MARK1: variants seen among roughly 807,000 people sequenced by gnomAD.
MARK1 encodes the protein serine/threonine-protein kinase MARK1.
A neutral mutation model predicts 96.3 loss-of-function variants in MARK1; 40 were observed. The ratio of observed to expected loss-of-function variants is 0.42; its 90% CI spans 0.32 to 0.54. The LOEUF (loss-of-function observed/expected upper bound fraction) is 0.54. Ranked by LOEUF, MARK1 falls within the 20% of genes least tolerant of loss-of-function variation. The probability of loss-of-function intolerance (pLI) is 0.16; values close to 1 mark genes in which losing one functional copy is unlikely to be tolerated. For synonymous variants in MARK1, 317 were observed against 341.2 expected (o/e 0.93, Z 0.78); for missense variants, 719 against 984.6 (o/e 0.73, Z 3.61).
intron 6 of MARK1, among the ~76,000 whole-genome samples, chr1:220,608,044 G>A (rs1216096498): frequency 6.6e-6 from 1 of 152,102 alleles, no homozygotes; most frequent in African/African-American, 2.4e-5. Context: ...GCCAGGCTTT[G>A]GTATCAGGAT....
chr1:220,544,528 C>G (rs1661352806), intron 1 of MARK1, among the ~76,000 whole-genome samples: 1 of 152,170 alleles, frequency 6.6e-6, no homozygotes, highest in South Asian at 2.1e-4. Context: ...AGATGCCAGC[C>G]CCTTGATATT....
intron 3 of MARK1, among the ~76,000 whole-genome samples, chr1:220,589,847 C>T (rs1253162705): frequency 1.3e-5 from 2 of 152,218 alleles, no homozygotes; most frequent in East Asian, 3.8e-4. Context: ...CATGGCACTG[C>T]TGTTCTTAAA....
chr1:220,612,240 A>T (rs562072239), intron 6 of MARK1, among the ~76,000 whole-genome samples: 15 of 152,252 alleles, frequency 9.9e-5, no homozygotes, highest in African/African-American at 3.4e-4. Context: ...TACTATATGG[A>T]ATTAGAGAAG....
In MARK1 at chr1:220,653,117, C is replaced by T. The variant is rs747328940; in HGVS notation, c.1753C>T (p.Pro585Ser). ...AYRPGTTQRV[P>S]AASPSAHSIS... Reference sequence around the variant, plus strand: ...TCCCAGCAGTACAACCCAGAGAGTGCCTGCTGCTTCCCCATCTGCTCACAG... The same window carrying T: ...TCCCAGCAGTACAACCCAGAGAGTGTCTGCTGCTTCCCCATCTGCTCACAG... Residue 585 changes from proline to serine, a missense_variant, in exon 16 of 18, where the codon CCT (proline) becomes TCT (serine). Physicochemically the swap from Pro to Ser is moderately conservative, Grantham distance 74. This residue lies in a region of MARK1 where 501 missense variants were observed against 588.3 expected (regional missense o/e 0.85). Transcript: ENST00000366917. 2 of 1,614,152 alleles carry T rather than the reference C, an allele frequency of 1.2e-6. No homozygotes were observed. Among genetic ancestry groups the T allele is most frequent in the East Asian group, 2.2e-5 (1 of 44,882 alleles).
intron 1 of MARK1, among the ~76,000 whole-genome samples, chr1:220,531,128 G>A (rs1414292878): frequency 6.6e-6 from 1 of 152,152 alleles, no homozygotes; most frequent in Non-Finnish European, 1.5e-5. Flanking sequence ...CACCACTGAT[G>A]GCTACGAAAT....
At chr1:220,539,901 G>T (rs182214057) in intron 1 of MARK1, among the ~76,000 whole-genome samples, 1 of 151,944 alleles carries the variant, frequency 6.6e-6, no homozygotes, top group East Asian at 1.9e-4. Flanking sequence ...AATGAGTTAA[G>T]AAGTATTCTC....
chr1:220,596,769 G>A (rs1226910830), intron 3 of MARK1, among the ~76,000 whole-genome samples: 2 of 152,024 alleles, frequency 1.3e-5, no homozygotes. Context: ...GCATTAAGGT[G>A]CATTTACATT....
rs1660046408 is a variant in MARK1 at position 220,528,298 on chromosome 1, C to G, written c.-525C>G. 1 of 151,544 alleles carries G rather than the reference C, an allele frequency of 6.6e-6. No homozygotes were observed. The highest frequency in any genetic ancestry group is 1.5e-5 in the Non-Finnish European group (1 of 67,870). The allele number at this position is 151,544 out of a possible 1,614,324, so 9.4% of individuals were successfully genotyped here. A position where few individuals can be genotyped will look rare whatever the true frequency, so the allele number is the denominator to read the frequency against. On this transcript the variant is annotated 5_prime_UTR_variant, in exon 1 of 18. Transcript: ENST00000366917. ...TTCGCGCCGGGGGATCGGGCGCCGC[C>G]GCCGCTGGGCCCCGGGCGCGTGGAT...
chr1:220,559,227 G>C (rs536340361), intron 1 of MARK1, among the ~76,000 whole-genome samples: 2 of 152,326 alleles, frequency 1.3e-5, no homozygotes, highest in Admixed American at 1.3e-4. Context: ...AAAGGGCAGT[G>C]AAGTATCTGT....
chr1:220,536,824 A>G (rs1322292479), intron 1 of MARK1, among the ~76,000 whole-genome samples: 1 of 152,010 alleles, frequency 6.6e-6, no homozygotes, highest in Non-Finnish European at 1.5e-5. Flanking sequence ...TGGGTGATCT[A>G]CCTGCCTCAG....
chr1:220,621,481 A>G (rs1667049102), intron 9 of MARK1, among the ~76,000 whole-genome samples: 1 of 152,118 alleles, frequency 6.6e-6, no homozygotes, highest in Admixed American at 6.5e-5. Flanking sequence ...AAATTCTAGT[A>G]TTTGATGCCT....
At chr1:220,610,346 A>T (rs942680469) in intron 6 of MARK1, among the ~76,000 whole-genome samples, 1 of 152,158 alleles carries the variant, frequency 6.6e-6, no homozygotes, top group African/African-American at 2.4e-5. Context: ...CGAATCGGCT[A>T]TTGAAGCTTG....
At chr1:220,641,280 A>G (rs1572219647) in intron 13 of MARK1, among the ~76,000 whole-genome samples, 1 of 152,300 alleles carries the variant, frequency 6.6e-6, no homozygotes, top group East Asian at 1.9e-4. Context: ...TAAAGGTGGT[A>G]GTATTAGAAG....
At chr1:220,596,521 T>G (rs1215467397) in intron 3 of MARK1, among the ~76,000 whole-genome samples, 2 of 152,194 alleles carry the variant, frequency 1.3e-5, no homozygotes, top group South Asian at 2.1e-4. Flanking sequence ...TTATAAAAAT[T>G]TATTTATATG....
chr1:220,599,759 G>GCT, intron 4 of MARK1, 39 bp from the exon 5 acceptor site: 1 of 1,169,716 alleles, frequency 8.5e-7, no homozygotes. Context: ...TTCAATCTGT[G>GCT]CTAACAGTTA....
At chr1:220,619,806 A>G (rs917175225) in intron 9 of MARK1, among the ~76,000 whole-genome samples, 7 of 152,200 alleles carry the variant, frequency 4.6e-5, no homozygotes, top group Non-Finnish European at 1.0e-4. Flanking sequence ...AATTTCAGAG[A>G]TTCAGCATGC....
At chr1:220,564,067 A>G (rs1433464810) in intron 1 of MARK1, among the ~76,000 whole-genome samples, 1 of 152,160 alleles carries the variant, frequency 6.6e-6, no homozygotes, top group Non-Finnish European at 1.5e-5. Flanking sequence ...CTTATTTATT[A>G]AAAACATTAG....
intron 3 of MARK1, among the ~76,000 whole-genome samples, chr1:220,595,585 A>T (rs1198413999): frequency 6.6e-6 from 1 of 152,228 alleles, no homozygotes; most frequent in African/African-American, 2.4e-5. Context: ...AGATAAGGCT[A>T]GAGAGGTAAA....
chr1:220,554,999 G>A (rs1363021873), intron 1 of MARK1, among the ~76,000 whole-genome samples: 1 of 152,112 alleles, frequency 6.6e-6, no homozygotes, highest in Admixed American at 6.5e-5. Context: ...TCCTTAATTC[G>A]CAGGCCAAGG....
Sources: gnomAD v4.1 joint callset for allele counts (sites outside exome capture counted in the v4.1 genomes callset) on GRCh38, gnomAD v4.1.1 for gene constraint, gnomAD v4.1.1 regional missense constraint, MANE v1.5 for transcripts, NCBI Gene and HGNC (gene_info 2026-07-23, HGNC 2026-07-21) for gene names.